Variants in ARHGAP6 observed in about 807,000 individuals in gnomAD.
ARHGAP6 encodes rho GTPase-activating protein 6.
In ARHGAP6, 16 loss-of-function variants were observed where a neutral mutation model predicts 55.7. The observed-to-expected ratio is 0.29, with a 90% CI of 0.19 to 0.44. The LOEUF (loss-of-function observed/expected upper bound fraction) is 0.44. ARHGAP6 is among the 20% of genes least tolerant of loss of function. ARHGAP6 has a pLI of 1.00. For synonymous variants in ARHGAP6, 382 were observed against 360.9 expected, an observed-to-expected ratio of 1.06 and a Z score of -0.66; for missense variants, 698 against 808.9, an observed-to-expected ratio of 0.86 and a Z score of 1.66.
intron 2 of ARHGAP6, among the ~76,000 whole-genome samples, chrX:11,222,892 A>G: frequency 8.9e-6 from 1 of 111,970 alleles, no homozygotes. Context: ...AAAAATAGAA[A>G]CTATTTTAAT....
At chrX:11,466,180 C>T (rs1006926043) in intron 1 of ARHGAP6, among the ~76,000 whole-genome samples, 1 of 111,605 alleles carries the variant, frequency 9.0e-6, no homozygotes, top group African/African-American at 3.3e-5. Flanking sequence ...CCTTTCACTC[C>T]TGACTCCTGT....
At chrX:11,308,533 A>G (rs1217622524) in intron 1 of ARHGAP6, among the ~76,000 whole-genome samples, 1 of 111,611 alleles carries the variant, frequency 9.0e-6, no homozygotes, top group Non-Finnish European at 1.9e-5. Context: ...TCGATGTTAT[A>G]GAATCTTGAT....
intron 1 of ARHGAP6, among the ~76,000 whole-genome samples, chrX:11,285,836 A>G (rs917974350): frequency 8.9e-6 from 1 of 112,580 alleles, no homozygotes; most frequent in Non-Finnish European, 1.9e-5. Context: ...TGAAATGTAC[A>G]TATTTCTAAA....
chrX:11,298,662 G>T, intron 1 of ARHGAP6: 1 of 1,210,957 alleles, frequency 8.3e-7, no homozygotes, highest in Non-Finnish European at 1.1e-6. Flanking sequence ...CCACATCCCA[G>T]TGGTGCCAGC....
chrX:11,521,272 T>C (rs1031614332), intron 1 of ARHGAP6, among the ~76,000 whole-genome samples: 1 of 112,150 alleles, frequency 8.9e-6, no homozygotes, highest in African/African-American at 3.2e-5. Context: ...GGTTTTCTTC[T>C]AGGGTTTTTA....
intron 1 of ARHGAP6, among the ~76,000 whole-genome samples, chrX:11,288,771 T>A (rs779359395): frequency 4.5e-5 from 5 of 112,285 alleles, no homozygotes; most frequent in Non-Finnish European, 9.4e-5. Flanking sequence ...ATTTTATGAC[T>A]GGCTTCCTTC....
chrX:11,365,064 A>G (rs1306300407), intron 1 of ARHGAP6, among the ~76,000 whole-genome samples: 1 of 111,905 alleles, frequency 8.9e-6, no homozygotes, highest in Non-Finnish European at 1.9e-5. Context: ...CCTATGAAAT[A>G]TGAAGCTTCC....
intron 1 of ARHGAP6, among the ~76,000 whole-genome samples, chrX:11,594,309 T>A (rs1311674289): frequency 1.8e-5 from 2 of 111,888 alleles, no homozygotes; most frequent in Non-Finnish European, 3.8e-5. Flanking sequence ...AGGTCTCAGT[T>A]CAGCAGAGAA....
chrX:11,448,086 C>G (rs2050109742), intron 1 of ARHGAP6, among the ~76,000 whole-genome samples: 1 of 112,431 alleles, frequency 8.9e-6, no homozygotes, highest in Admixed American at 9.4e-5. Flanking sequence ...CTTATGCTTT[C>G]CACCTCAATT....
chrX:11,148,066 G>A, intron 10 of ARHGAP6, among the ~76,000 whole-genome samples: 1 of 111,557 alleles, frequency 9.0e-6, no homozygotes, highest in Non-Finnish European at 1.9e-5. Context: ...ATGGGCCCAG[G>A]AGGGGAGGTT....
intron 1 of ARHGAP6, among the ~76,000 whole-genome samples, chrX:11,475,289 T>A (rs2050391939): frequency 9.0e-6 from 1 of 111,046 alleles, no homozygotes; most frequent in African/African-American, 3.3e-5. Flanking sequence ...CACCCAGGGT[T>A]ATTTCTACAG....
intron 1 of ARHGAP6, chrX:11,351,686 C>A: frequency 5.8e-6 from 3 of 513,348 alleles, no homozygotes; most frequent in Non-Finnish European, 7.2e-6. Context: ...CACAGTGCAG[C>A]TGGAACTGTG....
chrX:11,490,275 T>A, intron 1 of ARHGAP6, among the ~76,000 whole-genome samples: 1 of 111,795 alleles, frequency 8.9e-6, no homozygotes, highest in South Asian at 3.7e-4. Flanking sequence ...AGTTGCCATG[T>A]TGAGAGGTCT....
chrX:11,259,242 T>C (rs1351671179), intron 1 of ARHGAP6, among the ~76,000 whole-genome samples: 1 of 112,138 alleles, frequency 8.9e-6, no homozygotes, highest in African/African-American at 3.2e-5. Flanking sequence ...CATGCGATGT[T>C]TGTCTTTCTG....
chrX:11,630,177 TTAG>T (rs2052345632), intron 1 of ARHGAP6, among the ~76,000 whole-genome samples: 1 of 112,043 alleles, frequency 8.9e-6, no homozygotes, highest in Non-Finnish European at 1.9e-5. Flanking sequence ...TAGAAAGTTG[TTAG>T]TAGAATTTGG....
chrX:11,170,531 G>T (rs2046075033), intron 8 of ARHGAP6, among the ~76,000 whole-genome samples: 1 of 111,624 alleles, frequency 9.0e-6, no homozygotes, highest in Non-Finnish European at 1.9e-5. Flanking sequence ...GAGCAGAATG[G>T]AAATGGAATC....
chrX:11,255,343 C>T (rs2047480015), intron 1 of ARHGAP6, among the ~76,000 whole-genome samples: 2 of 109,693 alleles, frequency 1.8e-5, no homozygotes, highest in South Asian at 7.8e-4. Context: ...TTAGTTAATC[C>T]CTCCAACAAC....
intron 1 of ARHGAP6, among the ~76,000 whole-genome samples, chrX:11,356,932 G>A (rs370605395): frequency 8.9e-6 from 1 of 111,980 alleles, no homozygotes; most frequent in African/African-American, 3.2e-5. Context: ...TGATGCTACA[G>A]TGTTAAAGCA....
Position 11,665,716 on chromosome X carries a change from G to A in ARHGAP6, c.-888C>T, listed in dbSNP as rs1331750766. 8.8e-6 allele frequency: 1 copy of A among 113,190 alleles called. No homozygotes were observed. Among genetic ancestry groups the A allele is most frequent in the Non-Finnish European group, 1.9e-5 (1 of 53,448 alleles). The allele number at this position is 113,190 out of a possible 1,213,427, so 9.3% of individuals were successfully genotyped here. The stretch of plus-strand genomic sequence containing the variant: ...GCAGCCCAGCCTTGGGCCCAGGGCA[G>A]ACGCGGAGATGACCCCGTACGCTCG... On this transcript the variant is annotated 5_prime_UTR_variant, in exon 1 of 13. Transcript: ENST00000337414.
Sources: allele counts gnomAD v4.1 joint callset (sites outside exome capture counted in the v4.1 genomes callset), GRCh38; gene constraint gnomAD v4.1.1; transcripts MANE v1.5; gene names NCBI Gene and HGNC (gene_info 2026-07-23, HGNC 2026-07-21).